The following FLT1 variants were observed in gnomAD, a reference collection of about 807,000 sequenced individuals.
FLT1 encodes fms related receptor tyrosine kinase 1.
In FLT1, 49 loss-of-function variants were observed where a neutral mutation model predicts 156.3. That is an observed-to-expected ratio of 0.31 (90% CI 0.25 to 0.40). The LOEUF is 0.40. Among genes scored for constraint, FLT1 ranks in the 10% least tolerant of loss-of-function variants. The pLI, the probability that FLT1 is intolerant of heterozygous loss-of-function variation, is 1.00. For synonymous variants in FLT1, 594 were observed against 583.8 expected (o/e 1.02, Z -0.25); for missense variants, 1,322 against 1,637.2 (o/e 0.81, Z 3.32).
rs774219839 is a variant in FLT1 at position 28,384,909 on chromosome 13, T to G, written c.2092A>C (p.Asn698His). The G allele has an allele frequency of 1.9e-5, 30 of 1,614,060 alleles. No individual in the cohort carries two copies. In the South Asian group the frequency reaches 3.0e-4, roughly 16 times the overall value. Residue 698 changes from asparagine to histidine, a missense_variant, in exon 14 of 30, where the codon AAC (asparagine) becomes CAC (histidine). Physicochemically the swap from Asn to His is moderately conservative, Grantham distance 68 (BLOSUM62 1). This residue lies in a region of FLT1 where 991 missense variants were observed against 1,254.8 expected (regional missense o/e 0.79). Coordinates refer to ENST00000282397, the MANE Select transcript of FLT1 (RefSeq NM_002019.4). ...PEPQITWFKN[N>H]HKIQQEPGII... ...CCAGGCTCTTGTTGTATTTTGTGGTTGTTTTTAAACCAAGTGATCTGAGGC... is the reference window on the plus strand; with the variant it reads ...CCAGGCTCTTGTTGTATTTTGTGGTGGTTTTTAAACCAAGTGATCTGAGGC...
intron 14 of FLT1, among the ~76,000 whole-genome samples, chr13:28,372,393 T>G (rs1302134747): frequency 6.6e-6 from 1 of 150,380 alleles, no homozygotes; most frequent in Non-Finnish European, 1.5e-5. Flanking sequence ...CATATATTTT[T>G]AAAGCCCACA....
chr13:28,346,131 T>C (rs1872558291), intron 15 of FLT1: 1 of 153,982 alleles, frequency 6.5e-6, no homozygotes, highest in Non-Finnish European at 1.4e-5. Flanking sequence ...TCCCTTTGTC[T>C]AGGGCTCTGT....
intron 14 of FLT1, among the ~76,000 whole-genome samples, chr13:28,378,062 T>G (rs887070836): frequency 6.6e-6 from 1 of 151,820 alleles, no homozygotes; most frequent in African/African-American, 2.4e-5. Flanking sequence ...TTTTTTTTTT[T>G]TTTTTGAGTT....
At chr13:28,344,675 C>T (rs1872491480) in intron 16 of FLT1, among the ~76,000 whole-genome samples, 2 of 152,142 alleles carry the variant, frequency 1.3e-5, no homozygotes, top group South Asian at 2.1e-4. Flanking sequence ...GAATGCCAAC[C>T]TGGACCTCAC....
At chr13:28,473,830 GA>G (rs60845523) in intron 1 of FLT1, among the ~76,000 whole-genome samples, 10 of 122,874 alleles carry the variant, frequency 8.1e-5, no homozygotes, top group African/African-American at 1.2e-4. Context: ...AAGAAAGAAA[GA>G]AAGAAAGGAA....
chr13:28,314,366 A>G (rs1871120751), intron 25 of FLT1, among the ~76,000 whole-genome samples: 1 of 152,148 alleles, frequency 6.6e-6, no homozygotes, highest in South Asian at 2.1e-4. Flanking sequence ...CTAAAATCCA[A>G]TGCAAATCAT....
At chr13:28,481,442 T>TACAC (rs397687323) in intron 1 of FLT1, among the ~76,000 whole-genome samples, 18,036 of 142,432 alleles carry the variant, frequency 0.13, 1,153 homozygotes, top group African/African-American at 0.17. Context: ...CCTCCGCTTA[T>TACAC]ACACACACAC....
At chr13:28,450,995 CG>C (rs1878899110) in intron 3 of FLT1, among the ~76,000 whole-genome samples, 1 of 152,080 alleles carries the variant, frequency 6.6e-6, no homozygotes, top group Non-Finnish European at 1.5e-5. Flanking sequence ...GGCCTTCTGA[CG>C]GGGACTAGAA....
chr13:28,311,536 T>C, intron 27 of FLT1, 54 bp downstream of exon 27: 1 of 1,462,362 alleles, frequency 6.8e-7, no homozygotes, highest in Non-Finnish European at 9.5e-7. Context: ...CTTTCTTTCC[T>C]TCTTTTTTTT....
At chr13:28,436,623 C>T (rs970835378) in intron 4 of FLT1, among the ~76,000 whole-genome samples, 1 of 152,154 alleles carries the variant, frequency 6.6e-6, no homozygotes, top group Non-Finnish European at 1.5e-5. Flanking sequence ...TCCCTCTCCA[C>T]GTGGTGTTTT....
intron 20 of FLT1, 114 bp downstream of exon 20, chr13:28,327,348 G>T: frequency 1.4e-6 from 1 of 728,128 alleles, no homozygotes. Flanking sequence ...CAGAGATTGA[G>T]TTTTAAGTTT....
chr13:28,414,658 T>C (rs9513105), intron 10 of FLT1, among the ~76,000 whole-genome samples: 43,335 of 152,148 alleles, frequency 0.28, 6,540 homozygotes, highest in East Asian at 0.49. Flanking sequence ...GACTATATTT[T>C]GTTCATCATT....
chr13:28,430,246 G>T, intron 7 of FLT1, 79 bp from the exon 8 acceptor site: 1 of 978,308 alleles, frequency 1.0e-6, no homozygotes, highest in Non-Finnish European at 1.6e-6. Flanking sequence ...TTCAGGGAGG[G>T]TGTAATCAAT....
intron 3 of FLT1, among the ~76,000 whole-genome samples, chr13:28,449,441 C>T (rs1032511448): frequency 1.3e-5 from 2 of 152,084 alleles, no homozygotes; most frequent in African/African-American, 2.4e-5. Flanking sequence ...TCCTGATTAT[C>T]CAAATGAATA....
chr13:28,319,314 T>C (rs1871341305), intron 24 of FLT1, 109 bp downstream of exon 24: 5 of 747,306 alleles, frequency 6.7e-6, no homozygotes, highest in South Asian at 5.9e-5. Flanking sequence ...TTAAGAGTTT[T>C]TTGTTACAGT....
intron 3 of FLT1, among the ~76,000 whole-genome samples, chr13:28,441,246 C>G (rs1185108206): frequency 2.0e-5 from 3 of 152,148 alleles, no homozygotes; most frequent in Non-Finnish European, 2.9e-5. Flanking sequence ...GTGGCTCCTC[C>G]CAGGTGCTGG....
chr13:28,395,043 G>A (rs1395062531), intron 12 of FLT1, among the ~76,000 whole-genome samples: 1 of 152,156 alleles, frequency 6.6e-6, no homozygotes, highest in African/African-American at 2.4e-5. Context: ...GGGGCGGAGA[G>A]GGGAGGTGGG....
At chr13:28,389,131 T>G in intron 13 of FLT1, 1 of 1,054,844 alleles carries the variant, frequency 9.5e-7, no homozygotes, top group Non-Finnish European at 1.1e-6. Flanking sequence ...CAGTTCAAGA[T>G]AAATGTGCTT....
rs187939328 is a variant in FLT1 at position 28,346,072 on chromosome 13, G to A, written c.2249-521C>T. On this transcript the variant is annotated intron_variant, in intron 15 of 29. Transcript: ENST00000282397. ...AAATAAATCCAGGACTGTCACAGTT[G>A]CCTGTTTGCTCCCTTTGGAACTGCC... is the stretch of plus-strand genomic sequence containing the variant. 855 of 157,312 alleles carry A rather than the reference G, an allele frequency of 5.4e-3. 13 individuals are homozygous for A. Among genetic ancestry groups the A allele is most frequent in the Non-Finnish European group, 5.2e-3 (369 of 71,614 alleles). The allele number at this position is 157,312 out of a possible 1,614,324, so 9.7% of individuals were successfully genotyped here.
Sources: allele counts gnomAD v4.1 joint callset (sites outside exome capture counted in the v4.1 genomes callset), GRCh38; gene constraint gnomAD v4.1.1; regional missense constraint gnomAD v4.1.1; transcripts MANE v1.5; gene names NCBI Gene and HGNC (gene_info 2026-07-23, HGNC 2026-07-21).